TMCC1: variants seen among roughly 807,000 people sequenced by gnomAD.
TMCC1 encodes transmembrane and coiled-coil domain family 1.
Under a neutral mutation model 52.4 loss-of-function variants are expected in TMCC1, and 15 were observed. That is an observed-to-expected ratio of 0.29 (90% confidence interval 0.19 to 0.44). TMCC1 has a LOEUF of 0.44. TMCC1 is among the 20% of genes least tolerant of loss of function. The probability of loss-of-function intolerance (pLI) is 1.00; values close to 1 mark genes in which losing one functional copy is unlikely to be tolerated. For synonymous variants in TMCC1, 279 were observed against 301.9 expected (o/e 0.92, Z 0.79); for missense variants, 503 against 806.0 (o/e 0.62, Z 4.55).
chr3:129,796,502 A>G (rs966668083), intron 4 of TMCC1, among the ~76,000 whole-genome samples: 1 of 152,130 alleles, frequency 6.6e-6, no homozygotes. Context: ...CAACTCTTCA[A>G]ATAAGTAGTA....
rs73866124 is a variant in TMCC1, at chr3:129,765,805, G to A, written c.576+61998C>T. Among the ~76,000 whole-genome samples, 1,127 of 151,188 alleles carry A rather than the reference G, an allele frequency of 7.5e-3. 14 individuals carry two copies. Among genetic ancestry groups the A allele is most frequent in the African/African-American group, 0.026 (1,077 of 41,202 alleles). ...TCCAACTAATTATCCTAATTCTATT[G>A]TCTAAAAATAAGAAATCAGACCCTC... On this transcript the variant is annotated intron_variant, in intron 4 of 6. Coordinates refer to ENST00000393238, the MANE Select transcript of TMCC1 (RefSeq NM_001017395.5).
chr3:129,757,844 TA>T (rs1020808509), intron 4 of TMCC1, among the ~76,000 whole-genome samples: 9 of 144,846 alleles, frequency 6.2e-5, no homozygotes, highest in Non-Finnish European at 9.1e-5. Context: ...ATAAATAAAT[TA>T]AAAAAAAAAG....
chr3:129,704,610 G>A (rs944594988), intron 4 of TMCC1, among the ~76,000 whole-genome samples: 12 of 152,016 alleles, frequency 7.9e-5, no homozygotes, highest in African/African-American at 2.7e-4. Context: ...GTAGAGATGG[G>A]GTTTCACCAT....
At chr3:129,817,381 C>G (rs1373224433) in intron 4 of TMCC1, among the ~76,000 whole-genome samples, 1 of 152,012 alleles carries the variant, frequency 6.6e-6, no homozygotes, top group Non-Finnish European at 1.5e-5. Flanking sequence ...CCCAGGAGAT[C>G]AAGGCTGCAG....
At chr3:129,661,897 C>A (rs1164140700) in intron 5 of TMCC1, among the ~76,000 whole-genome samples, 2 of 152,136 alleles carry the variant, frequency 1.3e-5, no homozygotes, top group Non-Finnish European at 1.5e-5. Context: ...TTCCCACTAT[C>A]CCCATTACTA....
intron 4 of TMCC1, among the ~76,000 whole-genome samples, chr3:129,810,515 A>C (rs2057748681): frequency 6.6e-6 from 1 of 152,204 alleles, no homozygotes; most frequent in Non-Finnish European, 1.5e-5. Context: ...TGACAATAGA[A>C]AACAGCTTGC....
intron 4 of TMCC1, among the ~76,000 whole-genome samples, chr3:129,799,270 T>TA (rs1194007144): frequency 6.6e-6 from 1 of 152,058 alleles, no homozygotes; most frequent in Non-Finnish European, 1.5e-5. Context: ...TTCTTTCTCC[T>TA]AAAAAAACTT....
chr3:129,806,136 C>T (rs922631685), intron 4 of TMCC1, among the ~76,000 whole-genome samples: 7 of 152,088 alleles, frequency 4.6e-5, no homozygotes, highest in South Asian at 2.1e-4. Context: ...AAGCCTGTAT[C>T]GAAGCCCCTT....
intron 4 of TMCC1, chr3:129,688,563 G>C: frequency 2.0e-6 from 2 of 985,524 alleles, no homozygotes; most frequent in Non-Finnish European, 2.4e-6. Flanking sequence ...CCTCCGCAGT[G>C]CCCACCTCAG....
intron 4 of TMCC1, among the ~76,000 whole-genome samples, chr3:129,682,984 C>A (rs556326929): frequency 1.3e-5 from 2 of 152,236 alleles, no homozygotes; most frequent in Admixed American, 1.3e-4. Flanking sequence ...TACAGGCATG[C>A]GCCACCATGC....
intron 4 of TMCC1, among the ~76,000 whole-genome samples, chr3:129,694,906 C>A (rs572909494): frequency 6.6e-6 from 1 of 151,866 alleles, no homozygotes; most frequent in African/African-American, 2.4e-5. Context: ...GATCCAAGAA[C>A]CCTCTCTTGG....
chr3:129,770,491 T>C (rs374348311), intron 4 of TMCC1, among the ~76,000 whole-genome samples: 158 of 152,028 alleles, frequency 1.0e-3, no homozygotes, highest in African/African-American at 3.4e-3. Context: ...GACAGGAGGA[T>C]TGCTTGAGCC....
chr3:129,877,624 CTTTTTT>C (rs760525326), intron 2 of TMCC1, among the ~76,000 whole-genome samples: 1 of 126,930 alleles, frequency 7.9e-6, no homozygotes, highest in Non-Finnish European at 1.6e-5. Context: ...ATCCCTAAGT[CTTTTTT>C]TTTTTTTTTT....
At chr3:129,667,220 T>TAAAA (rs1202933776) in intron 5 of TMCC1, among the ~76,000 whole-genome samples, 1 of 85,800 alleles carries the variant, frequency 1.2e-5, no homozygotes, top group Non-Finnish European at 2.3e-5. Flanking sequence ...CCCTGACTCT[T>TAAAA]AAAAAAAAAA....
At chr3:129,888,325 T>C (rs781029503) in intron 1 of TMCC1, among the ~76,000 whole-genome samples, 83 of 152,356 alleles carry the variant, frequency 5.4e-4, no homozygotes, top group Non-Finnish European at 6.6e-4. Flanking sequence ...TATATAGATA[T>C]GTGTATATAC....
Position 129,828,029 on chromosome 3 carries a change from C to G in TMCC1, c.350G>C (p.Arg117Thr). The change falls in exon 4 of 7, where the codon AGA (arginine) becomes ACA (threonine). Residue 117 changes from arginine (R) to threonine (T), a missense_variant. Transcript: ENST00000393238. The surrounding 1 kb of genome is among the most constrained non-coding windows in gnomAD (Gnocchi z 4.1). ...QQIRVPPKMK[R>T]GTSLHSRRGK... ...CCGCCTACTATGCAAGCTTGTCCCT[C>G]TCTTCATCTTGGGTGGCACTCGAAT... The G allele has an allele frequency of 2.5e-6, 4 of 1,614,160 alleles. No homozygotes were observed. Among genetic ancestry groups the G allele is most frequent in the Non-Finnish European group, 3.4e-6 (4 of 1,180,020 alleles).
At chr3:129,772,596 A>G (rs9854041) in intron 4 of TMCC1, among the ~76,000 whole-genome samples, 148,820 of 150,972 alleles carry the variant, frequency 0.99, 73,385 homozygotes, top group East Asian at 1. Context: ...GGTGGCGGGC[A>G]CCTGTAGTCC....
intron 4 of TMCC1, among the ~76,000 whole-genome samples, chr3:129,679,745 G>A (rs563864569): frequency 6.6e-6 from 1 of 152,222 alleles, no homozygotes; most frequent in South Asian, 2.1e-4. Flanking sequence ...GGCCCATGAA[G>A]GTAGATATTT....
chr3:129,687,948 G>A (rs1044718770), intron 4 of TMCC1, among the ~76,000 whole-genome samples: 5 of 152,286 alleles, frequency 3.3e-5, no homozygotes, highest in Admixed American at 2.6e-4. Flanking sequence ...CTTTGCTCTG[G>A]AAATTTCTGG....
Sources: allele counts gnomAD v4.1 joint callset (sites outside exome capture counted in the v4.1 genomes callset), GRCh38; gene constraint gnomAD v4.1.1; non-coding constraint Gnocchi (gnomAD v3.1); transcripts MANE v1.5; gene names NCBI Gene and HGNC (gene_info 2026-07-23, HGNC 2026-07-21).